The following GLIPR1L1 variants were observed in gnomAD, a reference collection of about 807,000 sequenced individuals.
The protein encoded by GLIPR1L1 is GLIPR1-like protein 1.
In GLIPR1L1, 26 loss-of-function variants were observed where a neutral mutation model predicts 29.9. That is an observed-to-expected ratio of 0.87 (90% CI 0.64 to 1.21). The LOEUF is 1.21. GLIPR1L1 is among the 50% of genes most tolerant of loss of function. The probability of loss-of-function intolerance (pLI) is 0.00; values close to 1 mark genes in which losing one functional copy is unlikely to be tolerated. For synonymous variants in GLIPR1L1, 77 were observed against 97.5 expected, an observed-to-expected ratio of 0.79 and a Z score of 1.24; for missense variants, 305 against 290.3, an observed-to-expected ratio of 1.05 and a Z score of -0.37.
chr12:75,341,515 C>G (rs2042107296), intron 1 of GLIPR1L1, among the ~76,000 whole-genome samples: 2 of 151,890 alleles, frequency 1.3e-5, no homozygotes, highest in Non-Finnish European at 2.9e-5. Context: ...GGCGCTGTCT[C>G]GGCTCACTGC....
intron 3 of GLIPR1L1, chr12:75,360,399 T>G (rs1220691346): frequency 1.3e-5 from 2 of 152,106 alleles, no homozygotes; most frequent in African/African-American, 2.4e-5. Flanking sequence ...ACAAGTTAGT[T>G]CCTTCCTAGA....
chr12:75,351,630 T>C (rs1419026291), intron 3 of GLIPR1L1, among the ~76,000 whole-genome samples: 1 of 150,776 alleles, frequency 6.6e-6, no homozygotes, highest in Non-Finnish European at 1.5e-5. Context: ...TACTACCACC[T>C]CCACCTCCCA....
intron 4 of GLIPR1L1, among the ~76,000 whole-genome samples, chr12:75,367,799 T>A (rs1284239304): frequency 4.6e-5 from 7 of 152,104 alleles, no homozygotes; most frequent in Non-Finnish European, 1.0e-4. Flanking sequence ...ATTTCACAAA[T>A]ATTAACAGAT....
intron 4 of GLIPR1L1, chr12:75,367,159 C>T: frequency 4.8e-6 from 3 of 619,196 alleles, no homozygotes; most frequent in Non-Finnish European, 8.7e-6. Context: ...AAATAGGGTA[C>T]CCAAAAGGCG....
At chr12:75,364,618 A>G (rs1331318727) in intron 4 of GLIPR1L1, among the ~76,000 whole-genome samples, 1 of 152,244 alleles carries the variant, frequency 6.6e-6, no homozygotes, top group Admixed American at 6.5e-5. Context: ...ACAAAGGTGA[A>G]GATACAAAAT....
intron 3 of GLIPR1L1, 61 bp downstream of exon 3, chr12:75,347,783 T>C (rs1235300027): frequency 1.9e-6 from 2 of 1,059,348 alleles, no homozygotes; most frequent in East Asian, 5.0e-5. Flanking sequence ...GGTTGCCAAA[T>C]AAGAGGACCT....
chr12:75,359,527 A>C (rs1159999278), intron 3 of GLIPR1L1, among the ~76,000 whole-genome samples: 1 of 151,790 alleles, frequency 6.6e-6, no homozygotes, highest in Admixed American at 6.6e-5. Context: ...AATAGAATAA[A>C]TTTAAAGGAC....
At chr12:75,362,938 T>C (rs1238613856) in intron 3 of GLIPR1L1, among the ~76,000 whole-genome samples, 164 bp from the exon 4 acceptor site, 2 of 152,176 alleles carry the variant, frequency 1.3e-5, no homozygotes, top group Non-Finnish European at 2.9e-5. Flanking sequence ...ATTGTTTTAA[T>C]AGCTTATTTT....
At chr12:75,355,895 A>G (rs1301744504) in intron 3 of GLIPR1L1, among the ~76,000 whole-genome samples, 1 of 152,110 alleles carries the variant, frequency 6.6e-6, no homozygotes, top group East Asian at 1.9e-4. Context: ...ACCAAACACC[A>G]CATGTTCTCA....
chr12:75,360,084 T>TG (rs755424427), intron 3 of GLIPR1L1: 10 of 152,212 alleles, frequency 6.6e-5, no homozygotes, highest in Admixed American at 3.3e-4. Context: ...GAGAACAGCA[T>TG]GGGGGAAACT....
chr12:75,346,798 ATAGCT>A (rs1413211285), intron 2 of GLIPR1L1, among the ~76,000 whole-genome samples: 14 of 152,228 alleles, frequency 9.2e-5, no homozygotes, highest in African/African-American at 3.4e-4. Flanking sequence ...AATTTACGAA[ATAGCT>A]TAGTACATTT....
chr12:75,357,944 G>A (rs2043260083), intron 3 of GLIPR1L1, among the ~76,000 whole-genome samples: 1 of 148,364 alleles, frequency 6.7e-6, no homozygotes, highest in Non-Finnish European at 1.5e-5. Context: ...AGAAACTAGG[G>A]GACAAAAAAG....
intron 3 of GLIPR1L1, among the ~76,000 whole-genome samples, chr12:75,356,279 C>A (rs2043150425): frequency 1.3e-5 from 2 of 152,054 alleles, no homozygotes; most frequent in African/African-American, 4.8e-5. Flanking sequence ...CACAGAAAAT[C>A]TTTTAAAAAT....
chr12:75,353,155 CT>C (rs755547247), intron 3 of GLIPR1L1, among the ~76,000 whole-genome samples: 33 of 151,994 alleles, frequency 2.2e-4, no homozygotes, highest in African/African-American at 6.5e-4. Flanking sequence ...CAGAGTGAAA[CT>C]AAAGGTGATA....
intron 1 of GLIPR1L1, 123 bp from the exon 2 acceptor site, chr12:75,343,570 C>T: frequency 2.7e-6 from 2 of 749,516 alleles, no homozygotes; most frequent in Non-Finnish European, 2.1e-6. Context: ...TAATAAATAC[C>T]AAAGAAAAAC....
intron 3 of GLIPR1L1, among the ~76,000 whole-genome samples, chr12:75,351,385 C>G (rs540578860): frequency 1.3e-5 from 2 of 152,152 alleles, no homozygotes; most frequent in Non-Finnish European, 2.9e-5. Flanking sequence ...ACATAATCAT[C>G]AGATTCTCCA....
chr12:75,349,027 C>T (rs1263091908), intron 3 of GLIPR1L1, among the ~76,000 whole-genome samples: 1 of 152,172 alleles, frequency 6.6e-6, no homozygotes, highest in Non-Finnish European at 1.5e-5. Context: ...AATACCAATA[C>T]AGCTAGAGTT....
chr12:75,351,581 CT>C (rs1372276406), intron 3 of GLIPR1L1, among the ~76,000 whole-genome samples: 1 of 150,782 alleles, frequency 6.6e-6, no homozygotes, highest in Non-Finnish European at 1.5e-5. Flanking sequence ...GAGTCCCACT[CT>C]GTCACCCAAG....
Position 75,363,123 on chromosome 12 carries a change from TC to T in GLIPR1L1, c.545del (p.Pro182LeufsTer3), listed in dbSNP as rs1418730880. The T allele has an allele frequency of 6.4e-7, 1 of 1,559,050 alleles. No individual in the cohort carries two copies. The highest frequency in any genetic ancestry group is 8.6e-7 in the Non-Finnish European group (1 of 1,159,168). On this transcript the variant is annotated frameshift_variant, in exon 4 of 6. Transcript: ENST00000378695. LOFTEE classifies it high-confidence loss of function. ...ACAGAGGAAATTTTGCAAATATGCC[TC>T]CTTACGTAAGAGGAGAATCTTGCTC... ...GPAGNFANMP[P>X]YVRGESCSLC...
Sources: gnomAD v4.1 joint callset for allele counts (sites outside exome capture counted in the v4.1 genomes callset) on GRCh38, gnomAD v4.1.1 for gene constraint, MANE v1.5 for transcripts, NCBI Gene and HGNC (gene_info 2026-07-23, HGNC 2026-07-21) for gene names.